Variants in CAST observed in about 807,000 individuals in gnomAD.
CAST encodes the protein MIR583 host.
CAST carries 76 observed loss-of-function variants against 119.6 expected under a neutral mutation model. That is an observed-to-expected ratio of 0.64 (90% CI 0.53 to 0.77). CAST has a LOEUF of 0.77. Ranked by LOEUF, CAST falls within the 30% of genes least tolerant of loss-of-function variation. The pLI is 0.00. For synonymous variants in CAST, 319 were observed against 331.6 expected (o/e 0.96, Z 0.41); for missense variants, 953 against 946.5 (o/e 1.01, Z -0.09).
chr5:96,489,499 C>T, the CAST span, among the ~76,000 whole-genome samples: 1 of 152,192 alleles, frequency 6.6e-6, no homozygotes, highest in Non-Finnish European at 1.5e-5. Context: ...TATGCATACA[C>T]AGACTTACAT....
chr5:96,285,072 C>G, the CAST span, among the ~76,000 whole-genome samples: 1 of 151,940 alleles, frequency 6.6e-6, no homozygotes, highest in African/African-American at 2.4e-5. Flanking sequence ...AAATACTTTT[C>G]TTTTTTTTCC....
chr5:96,768,061 T>A lies in CAST; in HGVS notation c.2268+62T>A. 4 of 1,037,972 alleles carry A rather than the reference T, an allele frequency of 3.9e-6. No homozygotes were observed. In the South Asian group the frequency reaches 5.1e-5, roughly 13 times the overall value. 64.3% of individuals were successfully genotyped at this position (1,037,972 alleles called of 1,614,324 possible). A position where few individuals can be genotyped will look rare whatever the true frequency, so the allele number is the denominator to read the frequency against. ...GTGTGTGTGTATGTGTACATACATA[T>A]AAGTTTTATTTATTGATTGATCTAT... is the stretch of plus-strand genomic sequence containing the variant. On this transcript the variant is annotated intron_variant, in intron 29 of 31. Coordinates refer to ENST00000675179, the MANE Select transcript of CAST (RefSeq NM_001750.7).
rs373162712 is a variant in CAST at position 96,600,279 on chromosome 5, T to C, written c.60+70399T>C. Among the ~76,000 whole-genome samples the C allele has an allele frequency of 7.6e-4, 116 of 152,344 alleles. 1 individual carries two copies. The South Asian group carries it at 0.024, about 31-fold the overall frequency. ...GTCTAATATAGAAAGGTTTTATATA[T>C]GCATTGCACCACATGGTCCTCCTTG... is the stretch of plus-strand genomic sequence containing the variant. On this transcript the variant is annotated intron_variant, in intron 1 of 11. Transcript: ENST00000505143.
At chr5:96,120,548 G>T in the CAST span, among the ~76,000 whole-genome samples, 7 of 151,046 alleles carry the variant, frequency 4.6e-5, no homozygotes, top group East Asian at 1.9e-4. Flanking sequence ...TAACTTATAT[G>T]TTCAGGCTCT....
the CAST span, among the ~76,000 whole-genome samples, chr5:96,134,411 T>C: frequency 1.7e-4 from 26 of 152,342 alleles, no homozygotes; most frequent in Admixed American, 7.2e-4. Flanking sequence ...ACTGAATAAC[T>C]GGCACAGACT....
At chr5:96,016,527 C>G in the CAST span, among the ~76,000 whole-genome samples, 1 of 152,218 alleles carries the variant, frequency 6.6e-6, no homozygotes, top group Non-Finnish European at 1.5e-5. Flanking sequence ...ATCATGCACA[C>G]AGGACACAGC....
intron 1 of CAST, among the ~76,000 whole-genome samples, chr5:96,620,229 C>A (rs1291847836): frequency 6.6e-6 from 1 of 151,800 alleles, no homozygotes; most frequent in Non-Finnish European, 1.5e-5. Context: ...AATTAGTTAT[C>A]AGGAGTAGGA....
chr5:96,583,259 T>G (rs1269049803), intron 1 of CAST, among the ~76,000 whole-genome samples: 2 of 152,000 alleles, frequency 1.3e-5, no homozygotes, highest in Non-Finnish European at 2.9e-5. Context: ...AGGAGGTTGA[T>G]GCCAGGAGTT....
the CAST span, among the ~76,000 whole-genome samples, chr5:96,077,390 A>G: frequency 2.0e-5 from 3 of 151,972 alleles, no homozygotes; most frequent in African/African-American, 4.8e-5. Flanking sequence ...ATTATCATTT[A>G]TTTGCTTTAA....
chr5:96,052,702 G>A, the CAST span, among the ~76,000 whole-genome samples: 1 of 152,172 alleles, frequency 6.6e-6, no homozygotes, highest in Non-Finnish European at 1.5e-5. Context: ...GACTCTTGGG[G>A]CACATATTTC....
At chr5:96,394,788 G>T in the CAST span, 2 of 1,360,736 alleles carry the variant, frequency 1.5e-6, no homozygotes, top group African/African-American at 1.4e-5. Flanking sequence ...CTGCTTGGAA[G>T]TTGGGTACAG....
At chr5:96,401,129 T>TA in the CAST span, among the ~76,000 whole-genome samples, 1 of 136,778 alleles carries the variant, frequency 7.3e-6, no homozygotes, top group Non-Finnish European at 1.6e-5. Flanking sequence ...TACAATCCAG[T>TA]AAAAAGAATT....
At chr5:96,203,383 T>A in the CAST span, among the ~76,000 whole-genome samples, 1 of 152,028 alleles carries the variant, frequency 6.6e-6, no homozygotes, top group Admixed American at 6.6e-5. Flanking sequence ...TGTGGATCCC[T>A]TCTCAGAATA....
At chr5:96,317,873 A>G in the CAST span, among the ~76,000 whole-genome samples, 1 of 152,220 alleles carries the variant, frequency 6.6e-6, no homozygotes, top group African/African-American at 2.4e-5. Context: ...TATTCTCAAT[A>G]TGCATCCACA....
At chr5:96,692,720 C>T (rs932502917) in intron 2 of CAST, among the ~76,000 whole-genome samples, 3 of 152,184 alleles carry the variant, frequency 2.0e-5, no homozygotes, top group Non-Finnish European at 4.4e-5. Flanking sequence ...CTGAGCCAAT[C>T]ACTCTCTGTT....
intron 3 of CAST, among the ~76,000 whole-genome samples, chr5:96,698,371 A>T (rs548181187): frequency 6.6e-6 from 1 of 152,220 alleles, no homozygotes; most frequent in African/African-American, 2.4e-5. Flanking sequence ...AACAGCAAAC[A>T]TGAAATTCTT....
At chr5:96,665,409 A>G (rs1749187202) in intron 1 of CAST, among the ~76,000 whole-genome samples, 1 of 152,232 alleles carries the variant, frequency 6.6e-6, no homozygotes, top group Admixed American at 6.5e-5. Context: ...AATCCAATGT[A>G]TATTTACATT....
the CAST span, among the ~76,000 whole-genome samples, chr5:95,982,919 G>A: frequency 6.6e-6 from 1 of 152,110 alleles, no homozygotes; most frequent in Non-Finnish European, 1.5e-5. Context: ...TGATCAAAAA[G>A]CGTGAAAATA....
intron 1 of CAST, among the ~76,000 whole-genome samples, chr5:96,604,444 A>G (rs141403696): frequency 6.6e-6 from 1 of 152,356 alleles, no homozygotes; most frequent in African/African-American, 2.4e-5. Context: ...GGCAATTTTT[A>G]AACAATATGG....
Sources: allele counts gnomAD v4.1 joint callset (sites outside exome capture counted in the v4.1 genomes callset), GRCh38; gene constraint gnomAD v4.1.1; transcripts MANE v1.5; gene names NCBI Gene and HGNC (gene_info 2026-07-23, HGNC 2026-07-21).